Variants in GNA14 observed in about 807,000 individuals in gnomAD.
The protein encoded by GNA14 is guanine nucleotide-binding protein subunit alpha-14.
Under a neutral mutation model 42.0 loss-of-function variants are expected in GNA14, and 50 were observed. The ratio of observed to expected loss-of-function variants is 1.19; its 90% CI spans 0.95 to 1.51. GNA14 has a LOEUF of 1.51. Among genes scored for constraint, GNA14 ranks in the 40% most tolerant of loss-of-function variants. The pLI is 0.00. For synonymous variants in GNA14, 173 were observed against 163.1 expected (o/e 1.06, Z -0.46); for missense variants, 473 against 446.2 (o/e 1.06, Z -0.54).
chr9:77,613,598 T>C (rs1823764397), intron 1 of GNA14, among the ~76,000 whole-genome samples: 1 of 152,224 alleles, frequency 6.6e-6, no homozygotes, highest in Non-Finnish European at 1.5e-5. Flanking sequence ...AGAATGTTTT[T>C]GGCCTTGATG....
intron 2 of GNA14, among the ~76,000 whole-genome samples, chr9:77,458,176 G>A (rs536448890): frequency 6.8e-4 from 104 of 152,298 alleles, no homozygotes; most frequent in African/African-American, 2.4e-3. Context: ...CGTATGTCCT[G>A]TCTTTCCTCT....
chr9:77,444,167 G>C (rs962992579), intron 2 of GNA14, among the ~76,000 whole-genome samples: 20 of 152,288 alleles, frequency 1.3e-4, no homozygotes, highest in African/African-American at 4.6e-4. Flanking sequence ...CACCATGTTT[G>C]GTTCTGGGTT....
Position 77,434,529 on chromosome 9 carries a change from A to C in GNA14, c.310-7T>G. On this transcript the variant is annotated splice_polypyrimidine_tract_variant and splice_region_variant and intron_variant, in intron 2 of 6. Coordinates refer to ENST00000341700, the MANE Select transcript of GNA14 (RefSeq NM_004297.4). Reference sequence around the variant, plus strand: ...TGATTATCTGGGCATTTTCCTACTCAAAGGAAAGAGAACCTTGCATCAGGC... The same window carrying C: ...TGATTATCTGGGCATTTTCCTACTCCAAGGAAAGAGAACCTTGCATCAGGC... 1 of 1,611,254 alleles carries C rather than the reference A, an allele frequency of 6.2e-7. No individual in the cohort carries two copies. The highest frequency in any genetic ancestry group is 8.5e-7 in the Non-Finnish European group (1 of 1,178,534).
In GNA14 at chr9:77,629,321, C is replaced by T. The variant is rs368736899; in HGVS notation, c.124+18349G>A. On this transcript the variant is annotated intron_variant, in intron 1 of 6. Coordinates refer to ENST00000341700, the MANE Select transcript of GNA14 (RefSeq NM_004297.4). The stretch of plus-strand genomic sequence containing the variant: ...TCAACCATTGTGGAAGACAGTGTAG[C>T]GACTCCTCAAGGGTCTAAAACCACA... Among the ~76,000 whole-genome samples, 866 of 152,274 alleles carry T rather than the reference C, an allele frequency of 5.7e-3. 8 individuals are homozygous for T. Among genetic ancestry groups the T allele is most frequent in the African/African-American group, 0.02 (813 of 41,552 alleles).
At chr9:77,428,073 TTTTTTTTTTC>T (rs1441686448) in intron 5 of GNA14, among the ~76,000 whole-genome samples, 2 of 144,674 alleles carry the variant, frequency 1.4e-5, no homozygotes, top group East Asian at 4.0e-4. Flanking sequence ...CATTTTTTCT[TTTTTTTTTTC>T]TTTTTTTTTT....
chr9:77,464,078 G>T (rs1322158727), intron 2 of GNA14, among the ~76,000 whole-genome samples: 1 of 152,020 alleles, frequency 6.6e-6, no homozygotes, highest in Non-Finnish European at 1.5e-5. Context: ...TCAGGTCACT[G>T]CAACCTCAGC....
chr9:77,498,727 C>A (rs1240036394), intron 2 of GNA14, among the ~76,000 whole-genome samples: 3 of 152,222 alleles, frequency 2.0e-5, no homozygotes, highest in African/African-American at 4.8e-5. Flanking sequence ...TCTCCCCCCG[C>A]TGAGGATGCC....
chr9:77,448,644 A>T (rs1386976745), intron 2 of GNA14, among the ~76,000 whole-genome samples: 1 of 152,198 alleles, frequency 6.6e-6, no homozygotes, highest in African/African-American at 2.4e-5. Context: ...AATGCATACA[A>T]GTAGCGTACT....
chr9:77,622,129 A>G (rs1017145056), intron 1 of GNA14, among the ~76,000 whole-genome samples: 1 of 152,204 alleles, frequency 6.6e-6, no homozygotes, highest in Non-Finnish European at 1.5e-5. Flanking sequence ...TAAATGAAAG[A>G]AAAGAAACTT....
chr9:77,449,468 C>T (rs1835871274), intron 2 of GNA14, among the ~76,000 whole-genome samples: 1 of 152,180 alleles, frequency 6.6e-6, no homozygotes, highest in Admixed American at 6.5e-5. Context: ...TTATCAAGTG[C>T]TAGTTCCCCT....
At chr9:77,472,291 C>T (rs1489430212) in intron 2 of GNA14, among the ~76,000 whole-genome samples, 1 of 152,146 alleles carries the variant, frequency 6.6e-6, no homozygotes, top group Non-Finnish European at 1.5e-5. Flanking sequence ...TAAGCGGAAC[C>T]ATGATGCTAT....
chr9:77,553,351 G>A (rs1837808578), intron 1 of GNA14, among the ~76,000 whole-genome samples: 1 of 152,120 alleles, frequency 6.6e-6, no homozygotes, highest in Non-Finnish European at 1.5e-5. Context: ...GCATCTCAGA[G>A]TAGTGCTGGG....
At chr9:77,628,957 C>A (rs948766634) in intron 1 of GNA14, among the ~76,000 whole-genome samples, 1 of 152,100 alleles carries the variant, frequency 6.6e-6, no homozygotes, top group Non-Finnish European at 1.5e-5. Context: ...AGGCAACCTA[C>A]AGAATGGGAG....
At chr9:77,513,759 T>C (rs546849897) in intron 2 of GNA14, among the ~76,000 whole-genome samples, 3 of 152,368 alleles carry the variant, frequency 2.0e-5, no homozygotes, top group East Asian at 3.9e-4. Context: ...CACCACATTC[T>C]GGGTTTAGGA....
chr9:77,534,952 T>G (rs917867039), intron 1 of GNA14, among the ~76,000 whole-genome samples: 1 of 152,224 alleles, frequency 6.6e-6, no homozygotes, highest in Non-Finnish European at 1.5e-5. Flanking sequence ...ACCTCACCAG[T>G]GAGCAGGCGC....
intron 2 of GNA14, among the ~76,000 whole-genome samples, chr9:77,445,527 G>A (rs72730869): frequency 0.025 from 3,444 of 139,330 alleles, 58 homozygotes; most frequent in Non-Finnish European, 0.033. Flanking sequence ...ACCCTGGGCC[G>A]CAAAGTGAGA....
chr9:77,610,427 C>T (rs917769931), intron 1 of GNA14, among the ~76,000 whole-genome samples: 14 of 152,136 alleles, frequency 9.2e-5, no homozygotes, highest in African/African-American at 3.4e-4. Flanking sequence ...TCTGCCCCTA[C>T]ACCTTAAATG....
At chr9:77,503,444 T>G (rs1380530045) in intron 2 of GNA14, among the ~76,000 whole-genome samples, 1 of 152,194 alleles carries the variant, frequency 6.6e-6, no homozygotes, top group Non-Finnish European at 1.5e-5. Context: ...AAACTTCAAC[T>G]GAGCTTCCCA....
chr9:77,647,763 C>T lies in GNA14; in HGVS notation c.31G>A (p.Glu11Lys). 6.2e-7 allele frequency: 1 copy of T among 1,610,366 alleles called. No homozygotes were observed. The highest frequency in any genetic ancestry group is 8.5e-7 in the Non-Finnish European group (1 of 1,178,884). Reference sequence around the variant, plus strand: ...GCGCTGATGCGCTGCGACTCCTTCTCCTCCGCGGACAGGCAGCAGCAGCCG... The same window carrying T: ...GCGCTGATGCGCTGCGACTCCTTCTTCTCCGCGGACAGGCAGCAGCAGCCG... MAGCCCLSAE[E>K]KESQRISAEI... The change falls in exon 1 of 7, where the codon GAG (glutamate) becomes AAG (lysine). Residue 11 changes from glutamate (E) to lysine (K), a missense_variant. Glu to Lys is a moderately conservative substitution (Grantham distance 56, BLOSUM62 1). Transcript: ENST00000341700.
Sources: gnomAD v4.1 joint callset for allele counts (sites outside exome capture counted in the v4.1 genomes callset) on GRCh38, gnomAD v4.1.1 for gene constraint, MANE v1.5 for transcripts, NCBI Gene and HGNC (gene_info 2026-07-23, HGNC 2026-07-21) for gene names.